Variants in LRP1B observed in about 807,000 individuals in gnomAD.
LRP1B encodes the protein low-density lipoprotein receptor-related protein 1B.
Under a neutral mutation model 556.6 loss-of-function variants are expected in LRP1B, and 217 were observed. That is an observed-to-expected ratio of 0.39 (90% confidence interval 0.35 to 0.44). The LOEUF (loss-of-function observed/expected upper bound fraction) is 0.44. Among genes scored for constraint, LRP1B ranks in the 20% least tolerant of loss-of-function variants. The pLI is 1.00. For missense variants in LRP1B, 5,053 were observed against 5,620.8 expected (o/e 0.90, Z 3.23); for synonymous variants, 2,047 against 1,865.8 (o/e 1.10, Z -2.50).
intron 2 of LRP1B, among the ~76,000 whole-genome samples, chr2:141,797,596 A>G (rs975118861): frequency 2.7e-4 from 41 of 152,070 alleles, no homozygotes; most frequent in Admixed American, 4.6e-4. Flanking sequence ...CTTAAGTTTT[A>G]TTGTTTTCTA....
At chr2:141,937,666 T>TA (rs1207820305) in intron 1 of LRP1B, among the ~76,000 whole-genome samples, 5,417 of 144,496 alleles carry the variant, frequency 0.037, 294 homozygotes, top group African/African-American at 0.12. Context: ...GCACCTAAAT[T>TA]AAAAAAAAAA....
At chr2:141,682,791 T>C (rs747862910) in intron 2 of LRP1B, among the ~76,000 whole-genome samples, 2 of 152,160 alleles carry the variant, frequency 1.3e-5, no homozygotes, top group Non-Finnish European at 2.9e-5. Context: ...GTTAGACTCT[T>C]TGAAATACAA....
intron 66 of LRP1B, among the ~76,000 whole-genome samples, chr2:140,394,118 G>A (rs560206616): frequency 1.3e-3 from 188 of 145,988 alleles, no homozygotes; most frequent in African/African-American, 4.7e-3. Flanking sequence ...GGGTTTACTG[G>A]CACATATTTT....
chr2:141,085,234 G>T (rs551141152), intron 7 of LRP1B, among the ~76,000 whole-genome samples: 6 of 152,082 alleles, frequency 3.9e-5, no homozygotes, highest in African/African-American at 1.2e-4. Flanking sequence ...AAAATAAATT[G>T]CAAACTTCAT....
chr2:141,095,933 A>G (rs1922693), intron 7 of LRP1B, among the ~76,000 whole-genome samples: 54,829 of 151,912 alleles, frequency 0.36, 10,385 homozygotes, highest in East Asian at 0.66. Context: ...GAGATATCAA[A>G]CAATTGTATC....
intron 67 of LRP1B, 126 bp downstream of exon 67, chr2:140,385,767 A>G: frequency 1.4e-6 from 1 of 695,830 alleles, no homozygotes; most frequent in East Asian, 2.6e-5. Flanking sequence ...CCAAATGTGA[A>G]TATATGCATA....
At chr2:141,899,354 A>G (rs1455922996) in intron 1 of LRP1B, among the ~76,000 whole-genome samples, 2 of 152,162 alleles carry the variant, frequency 1.3e-5, no homozygotes, top group Non-Finnish European at 2.9e-5. Context: ...GCTGTGGTAA[A>G]TACTTTTTAT....
chr2:141,826,250 TTAAA>T (rs138667430), intron 1 of LRP1B, among the ~76,000 whole-genome samples: 4,884 of 151,858 alleles, frequency 0.032, 250 homozygotes, highest in African/African-American at 0.11. Context: ...CCCATTTTAC[TTAAA>T]TATTTTAAAT....
At chr2:140,555,616 C>T (rs915375018) in intron 43 of LRP1B, among the ~76,000 whole-genome samples, 1 of 151,944 alleles carries the variant, frequency 6.6e-6, no homozygotes, top group African/African-American at 2.4e-5. Flanking sequence ...TGGTTTAGAC[C>T]TGTTAAATAA....
intron 1 of LRP1B, among the ~76,000 whole-genome samples, chr2:141,989,927 G>T (rs1435607): frequency 6.6e-6 from 1 of 151,806 alleles, no homozygotes; most frequent in Non-Finnish European, 1.5e-5. Context: ...TACGGCATTA[G>T]TTTTAGTAGA....
At chr2:141,117,529 C>CT (rs1700937113) in intron 7 of LRP1B, among the ~76,000 whole-genome samples, 1 of 151,908 alleles carries the variant, frequency 6.6e-6, no homozygotes, top group Admixed American at 6.5e-5. Flanking sequence ...CAGATAGACC[C>CT]TATCACAATA....
chr2:141,077,968 A>T (rs1332993314), intron 7 of LRP1B, among the ~76,000 whole-genome samples: 2 of 143,110 alleles, frequency 1.4e-5, no homozygotes, highest in African/African-American at 2.6e-5. Context: ...TCAGGTAGGA[A>T]TTTTTTTTTT....
chr2:140,558,252 C>T (rs762820749), intron 43 of LRP1B, among the ~76,000 whole-genome samples: 15 of 151,996 alleles, frequency 9.9e-5, no homozygotes, highest in Non-Finnish European at 1.9e-4. Flanking sequence ...CGAACAAATC[C>T]GAGTTTACCC....
intron 1 of LRP1B, among the ~76,000 whole-genome samples, chr2:141,810,729 G>A (rs1179481878): frequency 6.6e-6 from 1 of 152,050 alleles, no homozygotes; most frequent in Non-Finnish European, 1.5e-5. Context: ...TATATAAGAT[G>A]TTGAATCAAA....
chr2:140,533,720 G>T (rs1478941899), intron 47 of LRP1B, among the ~76,000 whole-genome samples: 1 of 152,066 alleles, frequency 6.6e-6, no homozygotes, highest in African/African-American at 2.4e-5. Context: ...GAACATTTTT[G>T]GAACAGAAAA....
chr2:140,509,083 A>AC (rs1558931371), intron 52 of LRP1B, among the ~76,000 whole-genome samples: 88 of 148,902 alleles, frequency 5.9e-4, no homozygotes, highest in African/African-American at 2.0e-3. Flanking sequence ...CACACACACA[A>AC]ACACACACAC....
intron 2 of LRP1B, among the ~76,000 whole-genome samples, chr2:141,705,980 A>G (rs1692122208): frequency 6.6e-6 from 1 of 152,038 alleles, no homozygotes; most frequent in Non-Finnish European, 1.5e-5. Context: ...ATTCGACTTC[A>G]CCATTCGACA....
At chr2:140,780,632 A>G (rs1689664967) in intron 32 of LRP1B, among the ~76,000 whole-genome samples, 1 of 152,128 alleles carries the variant, frequency 6.6e-6, no homozygotes, top group Non-Finnish European at 1.5e-5. Flanking sequence ...AGCTAAAGAG[A>G]GCCGTGGGGG....
intron 1 of LRP1B, among the ~76,000 whole-genome samples, chr2:141,945,699 T>C (rs1700933760): frequency 6.6e-6 from 1 of 151,934 alleles, no homozygotes; most frequent in African/African-American, 2.4e-5. Flanking sequence ...TTAAATGCAA[T>C]TATTAGATTT....
Sources: allele counts gnomAD v4.1 joint callset (sites outside exome capture counted in the v4.1 genomes callset), GRCh38; gene constraint gnomAD v4.1.1; transcripts MANE v1.5; gene names NCBI Gene and HGNC (gene_info 2026-07-23, HGNC 2026-07-21).